Variants in WDR17 observed in about 807,000 individuals in gnomAD.
WDR17 encodes WD repeat-containing protein 17.
WDR17 carries 143 observed loss-of-function variants against 161.7 expected under a neutral mutation model. The observed-to-expected ratio is 0.88, with a 90% CI of 0.77 to 1.02. The LOEUF (loss-of-function observed/expected upper bound fraction) is 1.02, where lower values mean the gene tolerates loss of function less well. WDR17 is among the 50% of genes least tolerant of loss of function. WDR17 has a pLI of 0.00. For synonymous variants in WDR17, 517 were observed against 515.6 expected (o/e 1.00, Z -0.04); for missense variants, 1,469 against 1,520.9 (o/e 0.97, Z 0.57).
chr4:176,167,644 CAAAAAAAAAAA>C (rs34187946), intron 22 of WDR17, among the ~76,000 whole-genome samples: 2 of 23,834 alleles, frequency 8.4e-5, no homozygotes, highest in African/African-American at 1.6e-4. Context: ...GACTCCGTCT[CAAAAAAAAAAA>C]AAAAAAAAAA....
rs1190028399 is a variant in WDR17, at chr4:176,126,186, AC to A, written c.790+832del. 2.6e-5 allele frequency among the ~76,000 whole-genome samples: 4 copies of A among 152,172 alleles called. No individual in the cohort carries two copies. The East Asian group carries it at 7.7e-4, about 29-fold the overall frequency. Reference sequence around the variant, plus strand: ...GGGAGGCATTCAAACTATAGCACTCACTGATCCGTGGGTTGAATGGATACTC... The same window carrying A: ...GGGAGGCATTCAAACTATAGCACTCATGATCCGTGGGTTGAATGGATACTC... On this transcript the variant is annotated intron_variant, in intron 5 of 28. Transcript: ENST00000508596.
At chr4:176,095,616 C>T (rs1005168275) in intron 1 of WDR17, among the ~76,000 whole-genome samples, 1 of 152,040 alleles carries the variant, frequency 6.6e-6, no homozygotes, top group Non-Finnish European at 1.5e-5. Flanking sequence ...TACCCTCCTT[C>T]CTTCGTTTCC....
rs569995800 is a variant in WDR17, at chr4:176,128,759, G to C, written c.812G>C (p.Arg271Pro). The C allele has an allele frequency of 1.9e-6, 3 of 1,600,120 alleles. No homozygotes were observed. Among genetic ancestry groups the C allele is most frequent in the Admixed American group, 1.7e-5 (1 of 57,248 alleles). The change falls in exon 6 of 29, where the codon CGC becomes CCC. Residue 271 changes from arginine to proline, a missense_variant. By Grantham distance (103) the Arg-to-Pro change is moderately radical (BLOSUM62 -2). Coordinates refer to ENST00000508596, the MANE Select transcript of WDR17 (RefSeq NM_181265.4). ...ITGDSQVGVL[R>P]IWNVSRTTPI... ...CTAGATTCTCAAGTGGGTGTTTTAC[G>C]CATTTGGAATGTTTCAAGAACAACA...
intron 18 of WDR17, among the ~76,000 whole-genome samples, chr4:176,156,749 G>T (rs1748199330): frequency 6.6e-6 from 1 of 151,996 alleles, no homozygotes; most frequent in Non-Finnish European, 1.5e-5. Flanking sequence ...CACAGTTCTG[G>T]AGGCCAGAAG....
Position 176,150,033 on chromosome 4 carries a change from T to TTCTTCA in WDR17, c.2048-10_2048-9insTCTTCA, listed in dbSNP as rs756683218. The TTCTTCA allele has an allele frequency of 5.9e-5, 95 of 1,613,108 alleles. No homozygotes were observed. Among genetic ancestry groups the TTCTTCA allele is most frequent in the Non-Finnish European group, 7.7e-5 (91 of 1,179,802 alleles). ...AAATCTTTTCTCACTGAATTATGTC[T>TTCTTCA]GTTCTTCAGATTATGCTATAGAACC... On this transcript the variant is annotated splice_polypyrimidine_tract_variant and intron_variant, in intron 14 of 28. Transcript: ENST00000508596.
chr4:176,079,106 TA>T (rs930478419), intron 1 of WDR17, among the ~76,000 whole-genome samples: 4 of 152,190 alleles, frequency 2.6e-5, no homozygotes, highest in African/African-American at 7.2e-5. Context: ...AGCTTCTGCA[TA>T]AGAGTGAGAA....
In WDR17 at chr4:176,167,521, C is replaced by T. The variant is rs1030705030; in HGVS notation, c.2991-1151C>T. Among the ~76,000 whole-genome samples the T allele has an allele frequency of 6.0e-5, 9 of 150,302 alleles. No individual in the cohort carries two copies. The East Asian group carries it at 1.6e-3, about 26-fold the overall frequency. On this transcript the variant is annotated intron_variant, in intron 22 of 28. Coordinates refer to ENST00000508596, the MANE Select transcript of WDR17 (RefSeq NM_181265.4). ...ATTAGCCGGGCGAGGTGGCGGGCGC[C>T]TGTAGTCCCAGCTACTCGGGAGGCT... is the stretch of plus-strand genomic sequence containing the variant.
At chr4:176,129,929 T>G (rs1440763284) in intron 6 of WDR17, among the ~76,000 whole-genome samples, 1 of 151,906 alleles carries the variant, frequency 6.6e-6, no homozygotes, top group Non-Finnish European at 1.5e-5. Flanking sequence ...AACTGCCATG[T>G]CATGGAATGT....
chr4:176,097,778 A>G lies in WDR17; in HGVS notation c.-6-13797A>G, dbSNP rs80239752. ...ACACACACACACACACACAATGCCA[A>G]TATCCTTGTTTGTATTGTGTGCAGG... On this transcript the variant is annotated intron_variant, in intron 1 of 28. Coordinates refer to ENST00000508596, the MANE Select transcript of WDR17 (RefSeq NM_181265.4). Among the ~76,000 whole-genome samples the G allele has an allele frequency of 5.2e-3, 792 of 150,862 alleles. 10 individuals are homozygous for G. The highest frequency in any genetic ancestry group is 0.018 in the African/African-American group (747 of 41,180).
intron 23 of WDR17, among the ~76,000 whole-genome samples, chr4:176,169,789 C>T (rs890012603): frequency 4.6e-5 from 7 of 152,084 alleles, no homozygotes; most frequent in Admixed American, 3.3e-4. Context: ...TGTGTTGAGA[C>T]GCGGAAAATA....
chr4:176,177,300 T>G, intron 27 of WDR17, 144 bp downstream of exon 27: 1 of 960,990 alleles, frequency 1.0e-6, no homozygotes, highest in African/African-American at 1.7e-5. Context: ...TAATTTACAA[T>G]ACCGTACTTT....
chr4:176,150,992 C>T (rs1747020690), intron 16 of WDR17, among the ~76,000 whole-genome samples: 1 of 152,164 alleles, frequency 6.6e-6, no homozygotes, highest in African/African-American at 2.4e-5. Flanking sequence ...CTACTAGTTA[C>T]CTCATCCCTG....
At chr4:176,177,903 G>A (rs1751680840) in intron 28 of WDR17, among the ~76,000 whole-genome samples, 1 of 138,274 alleles carries the variant, frequency 7.2e-6, no homozygotes, top group Admixed American at 8.1e-5. Flanking sequence ...ATACCTGCAT[G>A]AAAGTTTAAA....
intron 17 of WDR17, among the ~76,000 whole-genome samples, chr4:176,152,892 A>C (rs1691220532): frequency 6.6e-6 from 1 of 151,222 alleles, no homozygotes; most frequent in South Asian, 2.1e-4. Context: ...CCGAGATCGC[A>C]CCATTGCACT....
intron 22 of WDR17, among the ~76,000 whole-genome samples, chr4:176,167,539 G>A (rs1022646401): frequency 6.7e-6 from 1 of 148,672 alleles, no homozygotes; most frequent in Non-Finnish European, 1.5e-5. Flanking sequence ...CCAGCTACTC[G>A]GGAGGCTGAG....
chr4:176,150,236 A>G (rs1746902127), intron 15 of WDR17, 63 bp downstream of exon 15: 2 of 1,581,568 alleles, frequency 1.3e-6, no homozygotes, highest in Non-Finnish European at 1.7e-6. Flanking sequence ...CATTACAACT[A>G]TTTTTATTCA....
intron 5 of WDR17, among the ~76,000 whole-genome samples, chr4:176,125,930 G>A (rs1742380577): frequency 6.6e-6 from 1 of 152,212 alleles, no homozygotes; most frequent in African/African-American, 2.4e-5. Flanking sequence ...ACAGGCATCT[G>A]GTGAGGAACT....
Position 176,142,026 on chromosome 4 carries a change from C to A in WDR17, c.1486C>A (p.His496Asn), listed in dbSNP as rs1397211136. The A allele has an allele frequency of 6.2e-7, 1 of 1,610,214 alleles. No homozygotes were observed. The highest frequency in any genetic ancestry group is 1.3e-5 in the African/African-American group (1 of 74,982). Residue 496 changes from histidine (H) to asparagine (N), a missense_variant, in exon 11 of 29, where the codon CAT (histidine) becomes AAT (asparagine). Physicochemically the swap from His to Asn is moderately conservative, Grantham distance 68. Transcript: ENST00000508596. ...TGGTAAAGTGCTACACAAATATAAA[C>A]ATCCAGCTGCAGTGTTTGGTTGTGA... ...IDGKVLHKYKHPAAVFGCDWS... is the reference protein window; with the variant it reads ...IDGKVLHKYKNPAAVFGCDWS...
chr4:176,147,762 T>G (rs1268910900), intron 12 of WDR17, among the ~76,000 whole-genome samples: 3 of 148,716 alleles, frequency 2.0e-5, no homozygotes, highest in Non-Finnish European at 4.4e-5. Context: ...TAATAATAAT[T>G]TAAAAAACTG....
Sources: gnomAD v4.1 joint callset for allele counts (sites outside exome capture counted in the v4.1 genomes callset) on GRCh38, gnomAD v4.1.1 for gene constraint, MANE v1.5 for transcripts, NCBI Gene and HGNC (gene_info 2026-07-23, HGNC 2026-07-21) for gene names.